ACSBG2: variants seen among roughly 807,000 people sequenced by gnomAD.
ACSBG2 encodes the protein long-chain-fatty-acid--CoA ligase ACSBG2.
In ACSBG2, 62 loss-of-function variants were observed where a neutral mutation model predicts 74.7. The observed-to-expected ratio is 0.83, with a 90% CI of 0.68 to 1.03. The LOEUF (loss-of-function observed/expected upper bound fraction) is 1.03. Among genes scored for constraint, ACSBG2 ranks in the 50% least tolerant of loss-of-function variants. The probability of loss-of-function intolerance (pLI) is 0.00; values close to 1 mark genes in which losing one functional copy is unlikely to be tolerated. For missense variants in ACSBG2, 730 were observed against 817.6 expected (o/e 0.89, Z 1.31); for synonymous variants, 309 against 294.1 (o/e 1.05, Z -0.52).
chr19:6,160,389 CAAA>C (rs1007071793), intron 5 of ACSBG2, among the ~76,000 whole-genome samples: 1 of 59,748 alleles, frequency 1.7e-5, no homozygotes, highest in Non-Finnish European at 3.4e-5. Context: ...GACTCCGTCT[CAAA>C]AAAAAAAAAA....
At chr19:6,168,256 G>A in intron 7 of ACSBG2, among the ~76,000 whole-genome samples, 1 of 152,068 alleles carries the variant, frequency 6.6e-6, no homozygotes, top group East Asian at 1.9e-4. Context: ...CTTGGTCTTT[G>A]CATGAGCTCC....
At chr19:6,163,814 G>A (rs1337474277) in intron 6 of ACSBG2, among the ~76,000 whole-genome samples, 1 of 149,144 alleles carries the variant, frequency 6.7e-6, no homozygotes, top group East Asian at 2.0e-4. Flanking sequence ...GCCAGGCGTG[G>A]TGGTGCATGC....
At chr19:6,159,086 T>A (rs1395825470) in intron 5 of ACSBG2, among the ~76,000 whole-genome samples, 1 of 152,152 alleles carries the variant, frequency 6.6e-6, no homozygotes, top group Non-Finnish European at 1.5e-5. Context: ...GTCTCCCAAG[T>A]AGCTGGGACT....
At chr19:6,169,483 T>C (rs2089905134) in intron 7 of ACSBG2, among the ~76,000 whole-genome samples, 1 of 152,248 alleles carries the variant, frequency 6.6e-6, no homozygotes, top group South Asian at 2.1e-4. Context: ...CTGTTTTAGT[T>C]ACTATAGCCT....
At chr19:6,155,262 C>A (rs1480076177) in intron 4 of ACSBG2, among the ~76,000 whole-genome samples, 1 of 152,074 alleles carries the variant, frequency 6.6e-6, no homozygotes, top group African/African-American at 2.4e-5. Context: ...ATAAATCAGC[C>A]CTGATCCCTA....
Position 6,187,417 on chromosome 19 carries a change from C to G in ACSBG2, c.1675C>G (p.Leu559Val). Residue 559 changes from leucine to valine, a missense_variant, in exon 12 of 15, where the codon CTG becomes GTG. Transcript: ENST00000588485. ...GAAGTTTCTGAGCATGTTGCTGACG[C>G]TGAAGGTAACATGGGTTTGCTGTCA... ...KLKFLSMLLT[L>V]KCEMNQMSGE... The G allele has an allele frequency of 6.2e-7, 1 of 1,614,136 alleles. No individual in the cohort carries two copies. Among genetic ancestry groups the G allele is most frequent in the Non-Finnish European group, 8.5e-7 (1 of 1,180,014 alleles).
intron 7 of ACSBG2, among the ~76,000 whole-genome samples, chr19:6,166,980 C>T (rs1003367173): frequency 6.6e-6 from 1 of 152,044 alleles, no homozygotes; most frequent in Non-Finnish European, 1.5e-5. Context: ...TACCATGTTG[C>T]CCAGGCTGGA....
chr19:6,166,279 G>GTGTGTGT lies in ACSBG2; in HGVS notation c.738+265_738+266insGTGTGTT, dbSNP rs1568237435. The stretch of plus-strand genomic sequence containing the variant: ...TGATTCCTCTGTGTGAGTCAGGAAG[G>GTGTGTGT]TTGTGTGTGTGTGTGTGTGTGTGTG... On this transcript the variant is annotated intron_variant, in intron 7 of 14. Coordinates refer to ENST00000588485, the MANE Select transcript of ACSBG2 (RefSeq NM_030924.5). Among the ~76,000 whole-genome samples the GTGTGTGT allele has an allele frequency of 2.0e-3, 168 of 85,760 alleles. No individual in the cohort carries two copies. The East Asian group carries it at 0.022, about 11-fold the overall frequency. 56.3% of individuals were successfully genotyped at this position (85,760 alleles called of 152,430 possible). A position where few individuals can be genotyped will look rare whatever the true frequency, so the allele number is the denominator to read the frequency against.
chr19:6,144,101 G>A (rs1033640478), intron 2 of ACSBG2, among the ~76,000 whole-genome samples: 6 of 152,114 alleles, frequency 3.9e-5, no homozygotes, highest in African/African-American at 9.7e-5. Context: ...GGGTTCAAGC[G>A]ATTCTCCTGC....
At chr19:6,147,791 C>G (rs530669676) in intron 3 of ACSBG2, 116 bp downstream of exon 3, 14 of 1,102,720 alleles carry the variant, frequency 1.3e-5, no homozygotes, top group African/African-American at 7.8e-5. Flanking sequence ...GGTTAATTGG[C>G]GAAAATTTCC....
Position 6,190,712 on chromosome 19 carries a change from C to T in ACSBG2, c.*35+20C>T. ...CTGATGGTGAGATTCAGTTGCTTGG[C>T]TTTGCTGGGCTATGCATTCAGAGTC... On this transcript the variant is annotated intron_variant, in intron 14 of 14. Transcript: ENST00000588485. 2 of 1,536,490 alleles carry T rather than the reference C, an allele frequency of 1.3e-6. No individual in the cohort carries two copies. The highest frequency in any genetic ancestry group is 1.8e-6 in the Non-Finnish European group (2 of 1,110,836).
intron 7 of ACSBG2, among the ~76,000 whole-genome samples, chr19:6,171,590 C>A (rs1641935708): frequency 2.6e-5 from 4 of 152,106 alleles, no homozygotes; most frequent in African/African-American, 9.7e-5. Context: ...CACTGTACGT[C>A]TGATGGAATT....
intron 2 of ACSBG2, among the ~76,000 whole-genome samples, chr19:6,145,802 GCAACCCCCTCAA>G (rs1291875617): frequency 6.6e-6 from 1 of 152,034 alleles, no homozygotes; most frequent in Non-Finnish European, 1.5e-5. Flanking sequence ...GCTGTGACAG[GCAACCCCCTCAA>G]CAACCCCCTC....
chr19:6,147,759 A>C, intron 3 of ACSBG2, 84 bp downstream of exon 3: 1 of 1,440,790 alleles, frequency 6.9e-7, no homozygotes, highest in African/African-American at 1.4e-5. Context: ...TACAAAATTC[A>C]CAAGGCACCA....
At chr19:6,143,076 C>T (rs2088904326) in intron 2 of ACSBG2, among the ~76,000 whole-genome samples, 2 of 152,064 alleles carry the variant, frequency 1.3e-5, no homozygotes, top group South Asian at 4.1e-4. Context: ...AAAAATTAGC[C>T]AGGTGTGGTG....
At chr19:6,166,082 G>T in intron 7 of ACSBG2, 67 bp downstream of exon 7, 1 of 1,595,232 alleles carries the variant, frequency 6.3e-7, no homozygotes. Context: ...GCTTCCAGGG[G>T]CAGGGTGGCA....
chr19:6,137,716 C>T (rs937242670), intron 1 of ACSBG2, among the ~76,000 whole-genome samples: 8 of 152,096 alleles, frequency 5.3e-5, no homozygotes, highest in African/African-American at 1.9e-4. Context: ...GGCGAGATCT[C>T]TGCTCACTGC....
At chr19:6,182,585 G>C (rs1052969193) in intron 8 of ACSBG2, among the ~76,000 whole-genome samples, 166 bp from the exon 9 acceptor site, 4 of 152,150 alleles carry the variant, frequency 2.6e-5, no homozygotes, top group African/African-American at 9.7e-5. Flanking sequence ...GCAAAAATCT[G>C]ACTGGCCAAC....
At chr19:6,146,570 A>C (rs35942339) in intron 2 of ACSBG2, among the ~76,000 whole-genome samples, 2,542 of 151,958 alleles carry the variant, frequency 0.017, 31 homozygotes, top group Non-Finnish European at 0.028. Context: ...GTTCGAGACC[A>C]GCCTGACCAA....
Sources: allele counts gnomAD v4.1 joint callset (sites outside exome capture counted in the v4.1 genomes callset), GRCh38; gene constraint gnomAD v4.1.1; transcripts MANE v1.5; gene names NCBI Gene and HGNC (gene_info 2026-07-23, HGNC 2026-07-21).